Variants in ITPK1 observed in about 807,000 individuals in gnomAD.
ITPK1 encodes inositol-tetrakisphosphate 1-kinase, also known as inositol 1,3,4-trisphosphate 5/6-kinase.
A neutral mutation model predicts 45.3 loss-of-function variants in ITPK1; 21 were observed. The observed-to-expected ratio is 0.46, with a 90% CI of 0.33 to 0.67. ITPK1 has a LOEUF of 0.67. ITPK1 is among the 30% of genes least tolerant of loss of function. The probability of loss-of-function intolerance (pLI) is 0.02; values close to 1 mark genes in which losing one functional copy is unlikely to be tolerated. For missense variants in ITPK1, 474 were observed against 573.5 expected (o/e 0.83, Z 1.77); for synonymous variants, 258 against 253.6 (o/e 1.02, Z -0.16).
rs2139981495 is a variant in ITPK1, at chr14:93,075,541, T to C, written c.120+1054A>G. ...ACTACCAGGAGGGAGGTCAGGAGGA[T>C]CCTTTACCAGCCCCACCCGTCAACC... is the stretch of plus-strand genomic sequence containing the variant. On this transcript the variant is annotated intron_variant, in intron 3 of 10. Coordinates refer to ENST00000267615, the MANE Select transcript of ITPK1 (RefSeq NM_014216.6). Among the ~76,000 whole-genome samples the C allele has an allele frequency of 2.0e-5, 3 of 152,058 alleles. No individual in the cohort carries two copies. In the South Asian group the frequency reaches 6.2e-4, roughly 32 times the overall value.
intron 10 of ITPK1, 71 bp downstream of exon 10, chr14:92,946,260 C>A: frequency 4.5e-6 from 7 of 1,564,238 alleles, no homozygotes; most frequent in South Asian, 1.1e-5. Flanking sequence ...AGTCACCCCG[C>A]CTCACCTGCC....
chr14:93,092,267 C>T (rs1341978361), intron 2 of ITPK1, among the ~76,000 whole-genome samples: 1 of 152,184 alleles, frequency 6.6e-6, no homozygotes, highest in African/African-American at 2.4e-5. Context: ...GATGCAAAAT[C>T]GAGGCTCAGG....
chr14:92,982,179 T>C (rs1205163021), intron 5 of ITPK1, among the ~76,000 whole-genome samples: 1 of 152,230 alleles, frequency 6.6e-6, no homozygotes, highest in Non-Finnish European at 1.5e-5. Context: ...TTACTCAGTG[T>C]GGCAGGCAGA....
intron 4 of ITPK1, among the ~76,000 whole-genome samples, chr14:92,994,295 T>C (rs1886941160): frequency 6.6e-6 from 1 of 152,112 alleles, no homozygotes. Flanking sequence ...GCAGATCCAC[T>C]CCAGGCACTG....
rs1293261533 is a variant in ITPK1 at position 92,939,950 on chromosome 14, A to G, written c.*1611T>C. 9 of 985,782 alleles carry G rather than the reference A, an allele frequency of 9.1e-6. No individual in the cohort carries two copies. Among genetic ancestry groups the G allele is most frequent in the African/African-American group, 1.7e-5 (1 of 57,252 alleles). The allele number at this position is 985,782 out of a possible 1,614,324, so 61.1% of individuals were successfully genotyped here. A position where few individuals can be genotyped will look rare whatever the true frequency, so the allele number is the denominator to read the frequency against. On this transcript the variant is annotated 3_prime_UTR_variant, in exon 11 of 11. Transcript: ENST00000267615. Reference sequence around the variant, plus strand: ...CTGTTCCCCAGGGCTCAGGGTCAGAACTAGGAAAGGTGACGTACAGACATT... The same window carrying G: ...CTGTTCCCCAGGGCTCAGGGTCAGAGCTAGGAAAGGTGACGTACAGACATT...
chr14:92,970,925 G>A lies in ITPK1; in HGVS notation c.365-8076C>T, dbSNP rs547392750. Among the ~76,000 whole-genome samples, 476 of 152,252 alleles carry A rather than the reference G, an allele frequency of 3.1e-3. 2 individuals are homozygous for A. The highest frequency in any genetic ancestry group is 5.6e-3 in the Non-Finnish European group (383 of 67,998). On this transcript the variant is annotated intron_variant, in intron 5 of 10. Coordinates refer to ENST00000267615, the MANE Select transcript of ITPK1 (RefSeq NM_014216.6). The stretch of plus-strand genomic sequence containing the variant: ...GCTGGGATTACAGGCATGAGCCACC[G>A]GGCCAGCCTTACAGCATCTTTTGAA...
intron 5 of ITPK1, among the ~76,000 whole-genome samples, chr14:92,964,085 T>C (rs1441870858): frequency 6.6e-6 from 1 of 152,210 alleles, no homozygotes; most frequent in Non-Finnish European, 1.5e-5. Context: ...ACACAGGGCA[T>C]ATAAAATTGC....
chr14:93,001,552 C>T (rs1325445678), intron 4 of ITPK1, among the ~76,000 whole-genome samples: 1 of 152,118 alleles, frequency 6.6e-6, no homozygotes, highest in Admixed American at 6.5e-5. Flanking sequence ...TAGGTGTCAG[C>T]ACCAAGGCGA....
At position 92,940,599 on chromosome 14, in the gene ITPK1, G is replaced by A. The variant is rs1052101782; in HGVS notation, c.*962C>T. On this transcript the variant is annotated 3_prime_UTR_variant, in exon 11 of 11. Transcript: ENST00000267615. ...GCCCCGATCTCCATGGTGTCATGCC[G>A]AGGCTCCCGCGCCTATCCTCACCTA... 10 of 1,195,852 alleles carry A rather than the reference G, an allele frequency of 8.4e-6. No homozygotes were observed. In the African/African-American group the frequency reaches 1.3e-4, roughly 15 times the overall value. The allele number at this position is 1,195,852 out of a possible 1,614,324, so 74.1% of individuals were successfully genotyped here. A position where few individuals can be genotyped will look rare whatever the true frequency, so the allele number is the denominator to read the frequency against.
chr14:92,938,280 G>C lies in ITPK1; in HGVS notation c.*3281C>G, dbSNP rs535005621. On this transcript the variant is annotated 3_prime_UTR_variant, in exon 11 of 11. Transcript: ENST00000267615. ...GCCAGAGTTTCTAGGGAATAGAAGA[G>C]AGGGCAGATACAGACCCCAGGGACA... The C allele has an allele frequency of 1.6e-6, 1 of 608,030 alleles. No homozygotes were observed. The highest frequency in any genetic ancestry group is 2.0e-5 in the South Asian group (1 of 50,206). 37.7% of individuals were successfully genotyped at this position (608,030 alleles called of 1,614,324 possible).
rs745854394 is a variant in ITPK1 at position 93,076,570 on chromosome 14, C to T, written c.120+25G>A. 3 of 1,614,106 alleles carry T rather than the reference C, an allele frequency of 1.9e-6. No homozygotes were observed. The highest frequency in any genetic ancestry group is 2.5e-6 in the Non-Finnish European group (3 of 1,179,944). ...ACCAAGGGCCCCACTACCCAAAGAA[C>T]CACGGGGACGCGGTCTGTACTCACC... On this transcript the variant is annotated intron_variant, in intron 3 of 10. Transcript: ENST00000267615. This position sits in a 1 kb window ranked among gnomAD's most constrained non-coding sequence, Gnocchi z 4.3.
chr14:93,059,892 T>A (rs1046266189), intron 3 of ITPK1, among the ~76,000 whole-genome samples: 1 of 83,808 alleles, frequency 1.2e-5, no homozygotes, highest in Admixed American at 1.5e-4. Flanking sequence ...GTGGAGGGGG[T>A]GCAGGTCATG....
chr14:93,077,213 C>T (rs1021015230), intron 2 of ITPK1, among the ~76,000 whole-genome samples: 28 of 152,226 alleles, frequency 1.8e-4, no homozygotes, highest in Non-Finnish European at 2.8e-4. Context: ...ACGGCCACCA[C>T]GTAACCTGAC....
chr14:93,108,464 T>C (rs968818013), intron 2 of ITPK1, among the ~76,000 whole-genome samples: 1 of 152,232 alleles, frequency 6.6e-6, no homozygotes, highest in Non-Finnish European at 1.5e-5. Flanking sequence ...AAAGGCAGGA[T>C]GGCCCAGTGG....
At chr14:92,967,242 A>T (rs1885420434) in intron 5 of ITPK1, among the ~76,000 whole-genome samples, 1 of 152,264 alleles carries the variant, frequency 6.6e-6, no homozygotes, top group Non-Finnish European at 1.5e-5. Flanking sequence ...ACAATTAAAA[A>T]GATATCTCTA....
chr14:93,104,393 G>A (rs937979782), intron 2 of ITPK1, among the ~76,000 whole-genome samples: 2 of 151,782 alleles, frequency 1.3e-5, no homozygotes, highest in African/African-American at 4.9e-5. Context: ...GGAGGCTGAG[G>A]TGGAGGTTGC....
chr14:92,938,685 CCCACCACGTGTGG>C lies in ITPK1; in HGVS notation c.*2863_*2875del, dbSNP rs1887220520. The C allele has an allele frequency of 1.5e-6, 1 of 652,374 alleles. No homozygotes were observed. Among genetic ancestry groups the C allele is most frequent in the Non-Finnish European group, 2.8e-6 (1 of 360,646 alleles). The allele number at this position is 652,374 out of a possible 1,614,324, so 40.4% of individuals were successfully genotyped here. A position where few individuals can be genotyped will look rare whatever the true frequency, so the allele number is the denominator to read the frequency against. The stretch of plus-strand genomic sequence containing the variant: ...GCTGGGTGACTGCAGGCCCAGCCCA[CCCACCACGTGTGG>C]ACCCAGACACCTCCATGACACCAAG... On this transcript the variant is annotated 3_prime_UTR_variant, in exon 11 of 11. Transcript: ENST00000267615.
chr14:93,073,666 G>C (rs1176706470), intron 3 of ITPK1, among the ~76,000 whole-genome samples: 1 of 152,176 alleles, frequency 6.6e-6, no homozygotes, highest in Admixed American at 6.5e-5. Context: ...AAGAGGAACA[G>C]AAGCATTTAG....
At chr14:92,944,699 C>CGG (rs1887597096) in intron 10 of ITPK1, among the ~76,000 whole-genome samples, 2 of 152,214 alleles carry the variant, frequency 1.3e-5, no homozygotes, top group African/African-American at 4.8e-5. Flanking sequence ...TTAGATCCCA[C>CGG]ACTTCCTTAT....
Sources: allele counts gnomAD v4.1 joint callset (sites outside exome capture counted in the v4.1 genomes callset), GRCh38; gene constraint gnomAD v4.1.1; non-coding constraint Gnocchi (gnomAD v3.1); transcripts MANE v1.5; gene names NCBI Gene and HGNC (gene_info 2026-07-23, HGNC 2026-07-21).